TNC: variants seen among roughly 807,000 people sequenced by gnomAD.
The protein encoded by TNC is tenascin.
TNC carries 109 observed loss-of-function variants against 202.4 expected under a neutral mutation model. The ratio of observed to expected loss-of-function variants is 0.54; its 90% CI spans 0.46 to 0.63. The LOEUF (loss-of-function observed/expected upper bound fraction) is 0.63. Among genes scored for constraint, TNC ranks in the 30% least tolerant of loss-of-function variants. The pLI is 0.00. For missense variants in TNC, 2,756 were observed against 2,833.3 expected (o/e 0.97, Z 0.62); for synonymous variants, 1,007 against 1,089.7 (o/e 0.92, Z 1.50).
At chr9:115,038,945 A>G (rs1427930987) in intron 19 of TNC, among the ~76,000 whole-genome samples, 1 of 151,968 alleles carries the variant, frequency 6.6e-6, no homozygotes, top group Non-Finnish European at 1.5e-5. Context: ...ATCCTGCCTC[A>G]GCCTCCCAAG....
At chr9:115,029,562 T>C in intron 24 of TNC, 106 bp from the exon 25 acceptor site, 1 of 1,116,610 alleles carries the variant, frequency 9.0e-7, no homozygotes. Flanking sequence ...TCAGGCTCCA[T>C]TCTGTCCATC....
intron 15 of TNC, among the ~76,000 whole-genome samples, chr9:115,050,568 T>C (rs1157396202): frequency 6.6e-6 from 1 of 152,232 alleles, no homozygotes; most frequent in Non-Finnish European, 1.5e-5. Context: ...AAAATACTCA[T>C]TTTTTAATCT....
At chr9:115,105,480 A>G (rs1836545882) in intron 1 of TNC, among the ~76,000 whole-genome samples, 2 of 152,214 alleles carry the variant, frequency 1.3e-5, no homozygotes, top group Non-Finnish European at 2.9e-5. Context: ...TCAAGATCAC[A>G]TAGCTAGAAA....
At chr9:115,110,023 G>T (rs1836920384) in intron 1 of TNC, among the ~76,000 whole-genome samples, 2 of 152,128 alleles carry the variant, frequency 1.3e-5, no homozygotes, top group South Asian at 4.1e-4. Flanking sequence ...GGGGCAGACA[G>T]GCCATTCCAG....
At chr9:115,089,500 CTCTA>C (rs1224487542) in intron 2 of TNC, among the ~76,000 whole-genome samples, 41 of 146,584 alleles carry the variant, frequency 2.8e-4, no homozygotes, top group African/African-American at 9.8e-4. Context: ...CTCTCTCTCT[CTCTA>C]TCTCTTTTTT....
intron 17 of TNC, among the ~76,000 whole-genome samples, chr9:115,044,384 GACAC>G (rs113847516): frequency 0.12 from 18,173 of 147,118 alleles, 3,407 homozygotes; most frequent in African/African-American, 0.41. Flanking sequence ...CAGGCATGTA[GACAC>G]ACACACACAC....
rs865861231 is a variant in TNC, at chr9:115,065,700, A to G, written c.3215-781T>C. On this transcript the variant is annotated intron_variant, in intron 10 of 27. Transcript: ENST00000350763. ...GCAGATCATATGAGGTCAGCAGTTCAAGACCAGCCTGGACAACATGGCGAA... is the reference window on the plus strand; with the variant it reads ...GCAGATCATATGAGGTCAGCAGTTCGAGACCAGCCTGGACAACATGGCGAA... 8.6e-5 allele frequency among the ~76,000 whole-genome samples: 13 copies of G among 151,974 alleles called. No homozygotes were observed. In the South Asian group the frequency reaches 2.7e-3, roughly 32 times the overall value.
At chr9:115,075,789 C>A (rs1020681982) in intron 9 of TNC, among the ~76,000 whole-genome samples, 32 of 152,210 alleles carry the variant, frequency 2.1e-4, no homozygotes, top group African/African-American at 7.0e-4. Flanking sequence ...ATCTCAACAA[C>A]AACAACAACA....
At chr9:115,042,123 C>A in intron 18 of TNC, 96 bp downstream of exon 18, 1 of 1,485,796 alleles carries the variant, frequency 6.7e-7, no homozygotes, top group South Asian at 1.4e-5. Flanking sequence ...TTTCTTTGAT[C>A]ATGATGTTAG....
intron 27 of TNC, among the ~76,000 whole-genome samples, chr9:115,023,007 T>A (rs1232105025): frequency 6.9e-6 from 1 of 144,322 alleles, no homozygotes; most frequent in Non-Finnish European, 1.5e-5. Flanking sequence ...GCCTCCCCCC[T>A]GACCCCACAA....
chr9:115,023,887 C>T, intron 27 of TNC, 86 bp downstream of exon 27: 2 of 1,470,976 alleles, frequency 1.4e-6, no homozygotes, highest in East Asian at 2.3e-5. Flanking sequence ...CTAGTCTCTG[C>T]TAGGATAGGG....
intron 8 of TNC, 38 bp downstream of exon 8, chr9:115,076,352 G>A (rs377699174): frequency 6.3e-5 from 102 of 1,609,300 alleles, no homozygotes; most frequent in Non-Finnish European, 8.7e-5. Context: ...GGCCCTCTAG[G>A]GCTGGCTGGC....
rs1365905719 is a variant in TNC, at chr9:115,046,499, C to G, written c.5036G>C (p.Gly1679Ala). 1 of 1,614,130 alleles carries G rather than the reference C, an allele frequency of 6.2e-7. No individual in the cohort carries two copies. The highest frequency in any genetic ancestry group is 8.5e-7 in the Non-Finnish European group (1 of 1,179,998). ...TTCGTATTCAGTAGCCTCTCTGAGA[C>G]CTGTTATGTCCCTGGTACGTTCGGG... ...LAPERTRDITGLREATEYEIE... is the reference protein window; with the variant it reads ...LAPERTRDITALREATEYEIE... The change falls in exon 17 of 28, where the codon GGT (glycine) becomes GCT (alanine). Residue 1679 changes from glycine (G) to alanine (A), a missense_variant. By Grantham distance (60) the Gly-to-Ala change is moderately conservative (BLOSUM62 0). This residue lies in a region of TNC where 2,559 missense variants were observed against 2,546.0 expected (regional missense o/e 1.01). Transcript: ENST00000350763.
intron 13 of TNC, among the ~76,000 whole-genome samples, chr9:115,061,753 G>A (rs1477110936): frequency 6.6e-6 from 1 of 152,190 alleles, no homozygotes; most frequent in Non-Finnish European, 1.5e-5. Context: ...CAAAAAGTTG[G>A]CCCTTTTTCC....
Position 115,020,834 on chromosome 9 carries a change from C to T in TNC, c.*323G>A, listed in dbSNP as rs1014236910. On this transcript the variant is annotated 3_prime_UTR_variant, in exon 28 of 28. Coordinates refer to ENST00000350763, the MANE Select transcript of TNC (RefSeq NM_002160.4). ...CGGCTGGTTCTAAAACAAACTACCC[C>T]TGTACATCCTACCCCTCTCCCATTC... The T allele has an allele frequency of 3.1e-6, 1 of 322,632 alleles. No individual in the cohort carries two copies. The highest frequency in any genetic ancestry group is 2.1e-5 in the African/African-American group (1 of 47,386). 20.0% of individuals were successfully genotyped at this position (322,632 alleles called of 1,614,324 possible).
chr9:115,069,245 T>C (rs1833176383), intron 10 of TNC, among the ~76,000 whole-genome samples: 3 of 152,226 alleles, frequency 2.0e-5, no homozygotes, highest in African/African-American at 7.2e-5. Flanking sequence ...GGGTTGTCAC[T>C]GTCAAGGCTT....
rs57327715 is a variant in TNC, at chr9:115,087,527, GGTGTGT to G, written c.458-260_458-255del. 0.22 allele frequency among the ~76,000 whole-genome samples: 33,233 copies of G among 148,450 alleles called. 4,154 individuals are homozygous for G. The highest frequency in any genetic ancestry group is 0.3 in the South Asian group (1,382 of 4,556). On this transcript the variant is annotated intron_variant, in intron 2 of 27. Coordinates refer to ENST00000350763, the MANE Select transcript of TNC (RefSeq NM_002160.4). ...AAAACAGTGTGTGATTATGCATAGG[GGTGTGT>G]GTGTGTGTGTGTGTGTGTGTGTGTG...
At chr9:115,087,366 G>C in intron 2 of TNC, 93 bp from the exon 3 acceptor site, 1 of 1,295,974 alleles carries the variant, frequency 7.7e-7, no homozygotes. Context: ...TTCAGCTGAA[G>C]GACGGTTGCA....
In TNC at chr9:115,108,334, C is replaced by T. The variant is rs909485362; in HGVS notation, c.-137+9648G>A. Among the ~76,000 whole-genome samples, 5 of 152,148 alleles carry T rather than the reference C, an allele frequency of 3.3e-5. No individual in the cohort carries two copies. The South Asian group carries it at 6.2e-4, about 19-fold the overall frequency. ...GGTATGTTTGGAGATACTGGGCTAA[C>T]GAAAGTTGAACAGATTAATTACAGC... On this transcript the variant is annotated intron_variant, in intron 1 of 27. Coordinates refer to ENST00000350763, the MANE Select transcript of TNC (RefSeq NM_002160.4).
Sources: allele counts gnomAD v4.1 joint callset (sites outside exome capture counted in the v4.1 genomes callset), GRCh38; gene constraint gnomAD v4.1.1; regional missense constraint gnomAD v4.1.1; transcripts MANE v1.5; gene names NCBI Gene and HGNC (gene_info 2026-07-23, HGNC 2026-07-21).